Variants in SH3KBP1 observed in about 807,000 individuals in gnomAD.
The protein encoded by SH3KBP1 is SH3 domain-containing kinase-binding protein 1.
SH3KBP1 carries 8 observed loss-of-function variants against 50.1 expected under a neutral mutation model. The ratio of observed to expected loss-of-function variants is 0.16; its 90% CI spans 0.09 to 0.29. SH3KBP1 has a LOEUF of 0.29. Among genes scored for constraint, SH3KBP1 ranks in the 10% least tolerant of loss-of-function variants. The pLI is 1.00. For synonymous variants in SH3KBP1, 227 were observed against 218.6 expected (o/e 1.04, Z -0.34); for missense variants, 377 against 535.2 (o/e 0.70, Z 2.92).
At chrX:19,868,715 A>T (rs1344369456) in intron 1 of SH3KBP1, among the ~76,000 whole-genome samples, 21 of 103,737 alleles carry the variant, frequency 2.0e-4, no homozygotes, top group African/African-American at 7.0e-4. Context: ...GTTTATGGGG[A>T]CATGATGAGG....
At chrX:19,624,003 T>C (rs2067933133) in intron 8 of SH3KBP1, among the ~76,000 whole-genome samples, 1 of 111,832 alleles carries the variant, frequency 8.9e-6, no homozygotes, top group African/African-American at 3.3e-5. Flanking sequence ...GAAAATATTG[T>C]GTGTGTAAAG....
At chrX:19,793,071 A>C (rs1194742549) in intron 2 of SH3KBP1, among the ~76,000 whole-genome samples, 3 of 109,645 alleles carry the variant, frequency 2.7e-5, no homozygotes, top group African/African-American at 1.0e-4. Flanking sequence ...CCGAGGTGGG[A>C]GGATTACTTT....
intron 2 of SH3KBP1, among the ~76,000 whole-genome samples, chrX:19,771,912 C>G (rs1603227357): frequency 9.4e-6 from 1 of 106,941 alleles, no homozygotes; most frequent in Non-Finnish European, 1.9e-5. Flanking sequence ...GTGTATTTCA[C>G]CACAATTAAA....
At chrX:19,594,548 T>G (rs1366722296) in intron 10 of SH3KBP1, among the ~76,000 whole-genome samples, 1 of 112,087 alleles carries the variant, frequency 8.9e-6, no homozygotes. Flanking sequence ...CGCACAACAA[T>G]GCTATGACCT....
At chrX:19,694,198 A>C (rs769229328) in intron 5 of SH3KBP1, among the ~76,000 whole-genome samples, 1 of 112,385 alleles carries the variant, frequency 8.9e-6, no homozygotes, top group East Asian at 2.8e-4. Context: ...TCTCCAAAAA[A>C]TCCCATTTAA....
chrX:19,707,618 G>A (rs770846088), intron 3 of SH3KBP1, among the ~76,000 whole-genome samples: 6 of 110,956 alleles, frequency 5.4e-5, no homozygotes, highest in South Asian at 3.8e-4. Context: ...AGCTACTTAC[G>A]CAGAACCAAG....
At chrX:19,606,161 A>ATCAT (rs755224728) in intron 9 of SH3KBP1, among the ~76,000 whole-genome samples, 1 of 112,632 alleles carries the variant, frequency 8.9e-6, no homozygotes, top group African/African-American at 3.2e-5. Flanking sequence ...ATTTATGTGC[A>ATCAT]TCATCCCAGT....
At chrX:19,748,630 G>A (rs889558347) in intron 2 of SH3KBP1, among the ~76,000 whole-genome samples, 1 of 111,903 alleles carries the variant, frequency 8.9e-6, no homozygotes, top group Non-Finnish European at 1.9e-5. Flanking sequence ...TGGAAGCAGG[G>A]AGGAGACAAA....
chrX:19,881,182 C>T (rs1173060881), intron 1 of SH3KBP1, among the ~76,000 whole-genome samples: 1 of 111,827 alleles, frequency 8.9e-6, no homozygotes, highest in Admixed American at 9.5e-5. Context: ...TTAGAATAAG[C>T]GAAAGCATTG....
At chrX:19,794,659 C>T (rs980369728) in intron 2 of SH3KBP1, among the ~76,000 whole-genome samples, 1 of 110,839 alleles carries the variant, frequency 9.0e-6, no homozygotes, top group Non-Finnish European at 1.9e-5. Context: ...GCCGAGATAG[C>T]GCCACTGCAC....
At chrX:19,547,752 C>T (rs989292128) in intron 14 of SH3KBP1, among the ~76,000 whole-genome samples, 1 of 111,694 alleles carries the variant, frequency 9.0e-6, no homozygotes, top group Admixed American at 9.5e-5. Flanking sequence ...GGTCAGAGGC[C>T]CCAGGCTGGG....
chrX:19,553,175 G>A (rs1306874994), intron 13 of SH3KBP1, among the ~76,000 whole-genome samples: 1 of 111,359 alleles, frequency 9.0e-6, no homozygotes, highest in Admixed American at 9.5e-5. Flanking sequence ...CCAGGGGAGG[G>A]GATGGGACAG....
intron 1 of SH3KBP1, among the ~76,000 whole-genome samples, chrX:19,864,431 G>A (rs1263488252): frequency 9.0e-6 from 1 of 111,667 alleles, no homozygotes; most frequent in Admixed American, 9.5e-5. Flanking sequence ...AGAGTCGCCT[G>A]GATTATCCAG....
chrX:19,785,113 C>T (rs2066298702), intron 2 of SH3KBP1, among the ~76,000 whole-genome samples: 1 of 110,754 alleles, frequency 9.0e-6, no homozygotes, highest in Admixed American at 9.7e-5. Flanking sequence ...TATCACCCCA[C>T]CCCCTGCCCT....
At chrX:19,650,901 T>C (rs758769866) in intron 6 of SH3KBP1, among the ~76,000 whole-genome samples, 1 of 111,650 alleles carries the variant, frequency 9.0e-6, no homozygotes, top group Non-Finnish European at 1.9e-5. Flanking sequence ...TGCTCATATA[T>C]GGGATACAGA....
chrX:19,647,424 C>G (rs1041656331), intron 6 of SH3KBP1, among the ~76,000 whole-genome samples: 9 of 111,658 alleles, frequency 8.1e-5, no homozygotes, highest in African/African-American at 2.9e-4. Context: ...CCTGGCTTAC[C>G]AAAACTTCCA....
chrX:19,682,293 T>C (rs774013522), intron 6 of SH3KBP1, among the ~76,000 whole-genome samples: 2 of 107,499 alleles, frequency 1.9e-5, no homozygotes, highest in South Asian at 8.1e-4. Flanking sequence ...AATTTATTAT[T>C]GGCAGCTAAA....
chrX:19,585,536 A>C (rs1437697617), intron 12 of SH3KBP1, among the ~76,000 whole-genome samples: 1 of 111,388 alleles, frequency 9.0e-6, no homozygotes, highest in African/African-American at 3.3e-5. Flanking sequence ...GATCTAAGGG[A>C]AGGCTTCCAG....
intron 3 of SH3KBP1, among the ~76,000 whole-genome samples, chrX:19,742,846 G>A (rs2064811123): frequency 8.9e-6 from 1 of 111,972 alleles, no homozygotes; most frequent in Admixed American, 9.5e-5. Flanking sequence ...TTAACTCATC[G>A]ATATACTGGA....
Sources: allele counts gnomAD v4.1 joint callset (sites outside exome capture counted in the v4.1 genomes callset), GRCh38; gene constraint gnomAD v4.1.1; transcripts MANE v1.5; gene names NCBI Gene and HGNC (gene_info 2026-07-23, HGNC 2026-07-21).